ASPRV1: variants seen among roughly 807,000 people sequenced by gnomAD.
ASPRV1 encodes aspartic peptidase retroviral like 1, also known as retroviral-like aspartic protease 1.
Under a neutral mutation model 11.0 loss-of-function variants are expected in ASPRV1, and 7 were observed. The ratio of observed to expected loss-of-function variants is 0.64; its 90% CI spans 0.36 to 1.20. The LOEUF (loss-of-function observed/expected upper bound fraction) is 1.20. ASPRV1 is among the 50% of genes most tolerant of loss of function. The pLI is 0.02. For synonymous variants in ASPRV1, 136 were observed against 138.4 expected (o/e 0.98, Z 0.12); for missense variants, 299 against 320.0 (o/e 0.93, Z 0.50).
the ASPRV1 span, among the ~76,000 whole-genome samples, chr2:70,063,370 G>C: frequency 1.3e-5 from 2 of 152,172 alleles, no homozygotes; most frequent in African/African-American, 4.8e-5. Context: ...CACTGACAGA[G>C]TCCCGTACTA....
At chr2:70,001,822 A>G in the ASPRV1 span, among the ~76,000 whole-genome samples, 5 of 152,198 alleles carry the variant, frequency 3.3e-5, no homozygotes, top group Admixed American at 3.3e-4. Context: ...TATATAATGG[A>G]CACAATTGTT....
At chr2:69,945,753 C>T in the ASPRV1 span, among the ~76,000 whole-genome samples, 13 of 152,286 alleles carry the variant, frequency 8.5e-5, no homozygotes, top group African/African-American at 2.6e-4. Context: ...AGAGCCAGGA[C>T]GGAGGCCAAG....
At chr2:69,938,469 TTC>T in the ASPRV1 span, 1 of 586,668 alleles carries the variant, frequency 1.7e-6, no homozygotes, top group Non-Finnish European at 3.0e-6. Flanking sequence ...ATCCACTAGC[TTC>T]TCTTTTTCTC....
the ASPRV1 span, among the ~76,000 whole-genome samples, chr2:69,936,299 T>C: frequency 6.6e-6 from 1 of 152,194 alleles, no homozygotes; most frequent in African/African-American, 2.4e-5. Flanking sequence ...TGTGTGACCA[T>C]TGTGTTGTCT....
At chr2:70,072,255 A>G in the ASPRV1 span, among the ~76,000 whole-genome samples, 2 of 150,730 alleles carry the variant, frequency 1.3e-5, no homozygotes, top group African/African-American at 2.4e-5. Context: ...CCCAGCCTCT[A>G]CAGAAAATTT....
At chr2:69,950,846 A>G in the ASPRV1 span, among the ~76,000 whole-genome samples, 2 of 88,542 alleles carry the variant, frequency 2.3e-5, no homozygotes, top group East Asian at 8.4e-4. Context: ...CTGTCTCAAA[A>G]ATAAATAAAT....
chr2:69,935,993 C>T, the ASPRV1 span, among the ~76,000 whole-genome samples: 260 of 152,238 alleles, frequency 1.7e-3, 1 homozygote, highest in Non-Finnish European at 3.0e-3. Context: ...TCACTTGCCT[C>T]TGCAGCACCA....
At chr2:70,078,510 G>A in the ASPRV1 span, among the ~76,000 whole-genome samples, 3 of 152,220 alleles carry the variant, frequency 2.0e-5, no homozygotes, top group African/African-American at 7.2e-5. Context: ...CACTGATTAA[G>A]TGACAGTTGA....
At chr2:69,959,288 G>A (rs1029781864), downstream of ASPRV1, among the ~76,000 whole-genome samples, 1 of 152,088 alleles carries the variant, frequency 6.6e-6, no homozygotes, top group Non-Finnish European at 1.5e-5. Flanking sequence ...CCCAAAGTTT[G>A]GAGGGTGCAG....
chr2:69,975,633 G>C, the ASPRV1 span: 1 of 152,340 alleles, frequency 6.6e-6, no homozygotes, highest in African/African-American at 2.4e-5. Flanking sequence ...GGGCCTTGCT[G>C]AGCTATGGAG....
At chr2:69,949,995 T>C in the ASPRV1 span, among the ~76,000 whole-genome samples, 2 of 152,118 alleles carry the variant, frequency 1.3e-5, no homozygotes, top group Admixed American at 1.3e-4. Context: ...TTTGTATTTT[T>C]AGTAGGGATG....
chr2:69,936,897 G>T, the ASPRV1 span: 1 of 479,618 alleles, frequency 2.1e-6, no homozygotes. Flanking sequence ...AGGTGTTCAG[G>T]GGATTGCTGC....
chr2:70,040,633 A>G, the ASPRV1 span, among the ~76,000 whole-genome samples: 1 of 152,170 alleles, frequency 6.6e-6, no homozygotes, highest in Non-Finnish European at 1.5e-5. Context: ...CAAAAGTTCA[A>G]GACCAGCCTG....
the ASPRV1 span, chr2:70,050,728 G>A: frequency 1.3e-5 from 2 of 152,124 alleles, no homozygotes; most frequent in East Asian, 3.8e-4. Flanking sequence ...GGCAGGAGGA[G>A]CACTTCAGGC....
chr2:70,062,396 A>G, the ASPRV1 span, among the ~76,000 whole-genome samples: 1 of 152,172 alleles, frequency 6.6e-6, no homozygotes, highest in Non-Finnish European at 1.5e-5. Context: ...CCTGGTCACC[A>G]CCCCAAACCT....
At chr2:70,060,340 CAAAAAAAAAA>C in the ASPRV1 span, among the ~76,000 whole-genome samples, 2 of 52,732 alleles carry the variant, frequency 3.8e-5, no homozygotes, top group Admixed American at 3.6e-4. Context: ...GACTCCATCT[CAAAAAAAAAA>C]AAAAAAAAAG....
the ASPRV1 span, chr2:70,018,024 C>T: frequency 1.1e-4 from 16 of 151,986 alleles, no homozygotes; most frequent in Non-Finnish European, 2.1e-4. Flanking sequence ...CCTGTAGTCC[C>T]GGCTACTCAG....
At chr2:70,035,433 G>A in the ASPRV1 span, among the ~76,000 whole-genome samples, 3 of 152,098 alleles carry the variant, frequency 2.0e-5, no homozygotes, top group Non-Finnish European at 2.9e-5. Context: ...ACTACAGTGT[G>A]AGGCTGTGGG....
At chr2:70,043,216 A>G in the ASPRV1 span, among the ~76,000 whole-genome samples, 3 of 152,082 alleles carry the variant, frequency 2.0e-5, no homozygotes, top group East Asian at 5.8e-4. Context: ...TCAGGAGTTC[A>G]AGACCAGCCT....
Sources: gnomAD v4.1 joint callset for allele counts (sites outside exome capture counted in the v4.1 genomes callset) on GRCh38, gnomAD v4.1.1 for gene constraint, MANE v1.5 for transcripts, NCBI Gene and HGNC (gene_info 2026-07-23, HGNC 2026-07-21) for gene names.